ADGRL3: variants seen among roughly 807,000 people sequenced by gnomAD.
ADGRL3 encodes the protein adhesion G protein-coupled receptor L3.
Under a neutral mutation model 153.5 loss-of-function variants are expected in ADGRL3, and 62 were observed. The observed-to-expected ratio is 0.40, with a 90% CI of 0.33 to 0.50. ADGRL3 has a LOEUF of 0.50. Among genes scored for constraint, ADGRL3 ranks in the 20% least tolerant of loss-of-function variants. ADGRL3 has a pLI of 0.47. For missense variants in ADGRL3, 1,641 were observed against 1,859.4 expected, an observed-to-expected ratio of 0.88 and a Z score of 2.16; for synonymous variants, 710 against 672.5, an observed-to-expected ratio of 1.06 and a Z score of -0.86.
intron 6 of ADGRL3, among the ~76,000 whole-genome samples, chr4:61,719,663 C>T (rs2096199507): frequency 1.3e-5 from 2 of 148,474 alleles, no homozygotes; most frequent in Admixed American, 6.8e-5. Flanking sequence ...AGTGCAGTGG[C>T]CATGCTTGGC....
Position 61,280,478 on chromosome 4 carries a change from A to C in ADGRL3, c.-240+78713A>C, listed in dbSNP as rs187662851. On this transcript the variant is annotated intron_variant, in intron 1 of 26. Coordinates refer to ENST00000683033, the MANE Select transcript of ADGRL3 (RefSeq NM_001387552.1). ...TAAAAGGTGTTACTTCTTCTCCCTA[A>C]CACACCTAGTATACTAGATTACCTT... Among the ~76,000 whole-genome samples the C allele has an allele frequency of 1.6e-3, 249 of 152,046 alleles. 2 individuals are homozygous for C. Among genetic ancestry groups the C allele is most frequent in the Non-Finnish European group, 2.9e-3 (195 of 67,970 alleles).
intron 1 of ADGRL3, among the ~76,000 whole-genome samples, chr4:61,358,199 C>G (rs1372242079): frequency 6.6e-6 from 1 of 152,232 alleles, no homozygotes; most frequent in East Asian, 1.9e-4. Flanking sequence ...TACTGGCCAC[C>G]TATAATCTGT....
chr4:61,717,719 C>T (rs184462014), intron 6 of ADGRL3, among the ~76,000 whole-genome samples: 7 of 152,140 alleles, frequency 4.6e-5, no homozygotes, highest in Admixed American at 2.6e-4. Context: ...ATTTTGTTTG[C>T]AGTTTTCATT....
At chr4:61,977,789 A>AT (rs569452600) in intron 17 of ADGRL3, among the ~76,000 whole-genome samples, 2 of 151,844 alleles carry the variant, frequency 1.3e-5, no homozygotes, top group Admixed American at 6.6e-5. Context: ...TTAAAAATCA[A>AT]TTTTTTTTCA....
intron 2 of ADGRL3, among the ~76,000 whole-genome samples, chr4:61,496,742 C>G (rs1002601179): frequency 2.0e-5 from 3 of 152,044 alleles, no homozygotes; most frequent in African/African-American, 7.2e-5. Flanking sequence ...GAGATCGAGA[C>G]CATCCTGGCT....
intron 5 of ADGRL3, among the ~76,000 whole-genome samples, chr4:61,615,167 G>A (rs1314109046): frequency 2.0e-5 from 3 of 152,076 alleles, no homozygotes; most frequent in African/African-American, 4.8e-5. Context: ...TTAGTTTGAG[G>A]TATGCCTAAG....
At chr4:61,631,870 GC>G (rs562115420) in intron 5 of ADGRL3, among the ~76,000 whole-genome samples, 215 of 151,372 alleles carry the variant, frequency 1.4e-3, no homozygotes, top group African/African-American at 5.0e-3. Context: ...CTCGTGATCT[GC>G]CCCCCTCAGC....
chr4:62,052,246 A>G (rs1397155715), intron 25 of ADGRL3, among the ~76,000 whole-genome samples: 1 of 151,620 alleles, frequency 6.6e-6, no homozygotes, highest in Non-Finnish European at 1.5e-5. Context: ...ACAATTTTTC[A>G]TGAAGTTGAA....
At chr4:61,826,090 A>G (rs2097797419) in intron 9 of ADGRL3, among the ~76,000 whole-genome samples, 1 of 152,076 alleles carries the variant, frequency 6.6e-6, no homozygotes, top group African/African-American at 2.4e-5. Flanking sequence ...TTTTGCCCTC[A>G]TGGACTTTAC....
chr4:61,267,141 A>G (rs1431131982), intron 1 of ADGRL3, among the ~76,000 whole-genome samples: 1 of 151,764 alleles, frequency 6.6e-6, no homozygotes, highest in East Asian at 1.9e-4. Flanking sequence ...TAGCTGAAAA[A>G]TTAAACTTTC....
At chr4:61,775,475 C>T (rs1441863646) in intron 8 of ADGRL3, 4 of 719,994 alleles carry the variant, frequency 5.6e-6, no homozygotes, top group Admixed American at 1.7e-5. Context: ...AAGTACTCTT[C>T]GATGACATCC....
intron 2 of ADGRL3, among the ~76,000 whole-genome samples, chr4:61,394,577 T>TA (rs937987087): frequency 2.4e-4 from 37 of 151,572 alleles, no homozygotes; most frequent in East Asian, 9.7e-4. Context: ...CACTTAAATA[T>TA]AAAAAAAAAT....
chr4:61,238,375 G>C (rs1753627328), intron 1 of ADGRL3, among the ~76,000 whole-genome samples: 1 of 151,730 alleles, frequency 6.6e-6, no homozygotes, highest in South Asian at 2.1e-4. Flanking sequence ...CTGTTTTCGA[G>C]GTTTATCTAA....
intron 8 of ADGRL3, among the ~76,000 whole-genome samples, chr4:61,781,518 G>A (rs922475388): frequency 6.6e-6 from 1 of 151,986 alleles, no homozygotes; most frequent in African/African-American, 2.4e-5. Context: ...GTGAGTAGTA[G>A]CCGGTTATTC....
chr4:61,398,761 TAAG>T (rs2152091752), intron 2 of ADGRL3, among the ~76,000 whole-genome samples: 1 of 151,680 alleles, frequency 6.6e-6, no homozygotes, highest in South Asian at 2.1e-4. Context: ...AGTCTTGAAA[TAAG>T]AACTGATATA....
At chr4:61,499,335 T>G (rs926478796) in intron 3 of ADGRL3, among the ~76,000 whole-genome samples, 30 of 152,214 alleles carry the variant, frequency 2.0e-4, no homozygotes. Flanking sequence ...GCAAATTTGT[T>G]TAAAATTTCA....
rs549891290 is a variant in ADGRL3, at chr4:62,073,768, A to G, written c.*2860A>G. On this transcript the variant is annotated 3_prime_UTR_variant, in exon 27 of 27. Transcript: ENST00000683033. Reference sequence around the variant, plus strand: ...TGGTGCAGAAGAACATTCAGCATATAAAGTTACTACCAAGCTCTTGCATCA... The same window carrying G: ...TGGTGCAGAAGAACATTCAGCATATGAAGTTACTACCAAGCTCTTGCATCA... 5.9e-5 allele frequency: 9 copies of G among 152,272 alleles called. No individual in the cohort carries two copies. Among genetic ancestry groups the G allele is most frequent in the African/African-American group, 2.2e-4 (9 of 41,568 alleles). The allele number at this position is 152,272 out of a possible 1,614,324, so 9.4% of individuals were successfully genotyped here.
At chr4:61,653,611 C>T (rs1273349439) in intron 5 of ADGRL3, among the ~76,000 whole-genome samples, 1 of 152,176 alleles carries the variant, frequency 6.6e-6, no homozygotes, top group Non-Finnish European at 1.5e-5. Context: ...CTGTCTTCCT[C>T]CACTTCTTTT....
chr4:61,793,820 T>C (rs1330628149), intron 8 of ADGRL3, among the ~76,000 whole-genome samples: 1 of 152,186 alleles, frequency 6.6e-6, no homozygotes, highest in African/African-American at 2.4e-5. Context: ...TTGAGAAATA[T>C]GACCTCAACA....
Sources: gnomAD v4.1 joint callset for allele counts (sites outside exome capture counted in the v4.1 genomes callset) on GRCh38, gnomAD v4.1.1 for gene constraint, MANE v1.5 for transcripts, NCBI Gene and HGNC (gene_info 2026-07-23, HGNC 2026-07-21) for gene names.